The following PLEKHM3 variants were observed in gnomAD, a reference collection of about 807,000 sequenced individuals.
PLEKHM3 encodes pleckstrin homology domain containing M3, also known as pleckstrin homology domain-containing family M member 3.
PLEKHM3 carries 45 observed loss-of-function variants against 81.8 expected under a neutral mutation model. The observed-to-expected ratio is 0.55, with a 90% CI of 0.43 to 0.71. The LOEUF is 0.71. Ranked by LOEUF, PLEKHM3 falls within the 30% of genes least tolerant of loss-of-function variation. The pLI, the probability that PLEKHM3 is intolerant of heterozygous loss-of-function variation, is 0.00. For missense variants in PLEKHM3, 788 were observed against 924.3 expected, an observed-to-expected ratio of 0.85 and a Z score of 1.91; for synonymous variants, 352 against 356.4, an observed-to-expected ratio of 0.99 and a Z score of 0.14.
At chr2:207,979,904 A>G (rs1170165506) in intron 2 of PLEKHM3, among the ~76,000 whole-genome samples, 1 of 152,230 alleles carries the variant, frequency 6.6e-6, no homozygotes, top group Admixed American at 6.5e-5. Flanking sequence ...CTCAAAAGCC[A>G]TTAATTTCTT....
At chr2:207,838,468 GTTAA>G (rs1246254669) in intron 7 of PLEKHM3, among the ~76,000 whole-genome samples, 1 of 152,168 alleles carries the variant, frequency 6.6e-6, no homozygotes, top group East Asian at 1.9e-4. Flanking sequence ...GTAAATAAGG[GTTAA>G]TTAATTCATT....
At chr2:207,911,377 C>G (rs1380938864) in intron 5 of PLEKHM3, among the ~76,000 whole-genome samples, 1 of 152,156 alleles carries the variant, frequency 6.6e-6, no homozygotes, top group Non-Finnish European at 1.5e-5. Flanking sequence ...GTAAAATGTC[C>G]TTACCTTCAT....
chr2:208,013,390 C>A (rs1015590213), intron 1 of PLEKHM3, among the ~76,000 whole-genome samples: 4 of 152,114 alleles, frequency 2.6e-5, no homozygotes, highest in African/African-American at 9.7e-5. Flanking sequence ...GTGGCGCGTG[C>A]CTGTAGTCCC....
chr2:207,961,440 A>G (rs141787311), intron 3 of PLEKHM3, among the ~76,000 whole-genome samples: 87 of 152,338 alleles, frequency 5.7e-4, no homozygotes, highest in African/African-American at 2.0e-3. Context: ...TGATTTTTCA[A>G]TCTTTTGGAA....
chr2:207,950,662 C>T (rs1690299406), intron 3 of PLEKHM3, among the ~76,000 whole-genome samples: 1 of 152,124 alleles, frequency 6.6e-6, no homozygotes, highest in Non-Finnish European at 1.5e-5. Flanking sequence ...TCCAAGGTCC[C>T]TCGAGCTCTA....
At chr2:207,881,570 G>A (rs2092591385) in intron 6 of PLEKHM3, among the ~76,000 whole-genome samples, 1 of 152,182 alleles carries the variant, frequency 6.6e-6, no homozygotes, top group Non-Finnish European at 1.5e-5. Context: ...TTTCTATTCA[G>A]TAACTATGTG....
chr2:207,831,812 G>A (rs2092290365), intron 7 of PLEKHM3, among the ~76,000 whole-genome samples: 1 of 152,148 alleles, frequency 6.6e-6, no homozygotes, highest in South Asian at 2.1e-4. Context: ...CTCCTTCCTA[G>A]TGGCAATGGC....
rs1487675820 is a variant in PLEKHM3 at position 208,025,394 on chromosome 2, C to T, written c.-324G>A. ...AGAAGCAGACGGATGCTCACCTGGG[C>T]CCCGGCTGCTACTCTCCATTCACCT... On this transcript the variant is annotated 5_prime_UTR_variant, in exon 1 of 8. Transcript: ENST00000427836. The T allele has an allele frequency of 6.6e-6, 1 of 152,296 alleles. No homozygotes were observed. Among genetic ancestry groups the T allele is most frequent in the Non-Finnish European group, 1.5e-5 (1 of 68,122 alleles). The allele number at this position is 152,296 out of a possible 1,614,324, so 9.4% of individuals were successfully genotyped here. A position where few individuals can be genotyped will look rare whatever the true frequency, so the allele number is the denominator to read the frequency against.
chr2:207,832,884 G>C (rs2092296292), intron 7 of PLEKHM3, among the ~76,000 whole-genome samples: 1 of 151,656 alleles, frequency 6.6e-6, no homozygotes, highest in Non-Finnish European at 1.5e-5. Context: ...GGCTGAGGTG[G>C]GTGGATCACC....
intron 6 of PLEKHM3, among the ~76,000 whole-genome samples, chr2:207,871,111 T>A (rs1167256461): frequency 1.3e-5 from 2 of 152,132 alleles, no homozygotes; most frequent in African/African-American, 2.4e-5. Context: ...CGAGACCCCA[T>A]CTCAAAATAA....
intron 6 of PLEKHM3, among the ~76,000 whole-genome samples, chr2:207,895,216 G>A (rs1688183829): frequency 6.6e-6 from 1 of 152,090 alleles, no homozygotes; most frequent in Admixed American, 6.5e-5. Context: ...TTGGCTAAGT[G>A]CTGTAAAATG....
chr2:207,884,581 G>A (rs963477811), intron 6 of PLEKHM3, among the ~76,000 whole-genome samples: 2 of 152,236 alleles, frequency 1.3e-5, no homozygotes, highest in Middle Eastern at 6.8e-3. Flanking sequence ...TCAGAGTTAT[G>A]GAAAAGCTTA....
rs980002145 is a variant in PLEKHM3 at position 207,930,959 on chromosome 2, C to T, written c.1853G>A (p.Cys618Tyr). Residue 618 changes from cysteine (C) to tyrosine (Y), a missense_variant, in exon 5 of 8, where the codon TGC (cysteine) becomes TAC (tyrosine). Transcript: ENST00000427836. ...LKSLRAYLFS[C>Y]RAAVAEDLRR... ...GAGATCCTCTGCCACCGCTGCCCGG[C>T]AGCTGAACAAATAGGCTCGGAGCGA... 1.2e-6 allele frequency: 2 copies of T among 1,613,378 alleles called. No homozygotes were observed. Among genetic ancestry groups the T allele is most frequent in the Non-Finnish European group, 1.7e-6 (2 of 1,179,474 alleles).
chr2:208,000,598 G>A (rs887467588), intron 2 of PLEKHM3, among the ~76,000 whole-genome samples: 3 of 152,150 alleles, frequency 2.0e-5, no homozygotes, highest in African/African-American at 7.2e-5. Context: ...TTTAGGGCAG[G>A]GATTGTGTCT....
chr2:207,943,050 G>C (rs1012715103), intron 4 of PLEKHM3, among the ~76,000 whole-genome samples: 1 of 152,136 alleles, frequency 6.6e-6, no homozygotes, highest in African/African-American at 2.4e-5. Context: ...GGGGAAGAGG[G>C]GAATGAAGAA....
intron 6 of PLEKHM3, chr2:207,870,013 T>C (rs1420814664): frequency 1.3e-5 from 2 of 152,172 alleles, no homozygotes. Context: ...AGTTAAAAAA[T>C]AACCTAGTGC....
chr2:207,908,002 T>C (rs1196752975), intron 6 of PLEKHM3, among the ~76,000 whole-genome samples: 1 of 152,256 alleles, frequency 6.6e-6, no homozygotes, highest in Non-Finnish European at 1.5e-5. Flanking sequence ...TTATCCATAT[T>C]GTAGCATGCA....
At chr2:207,949,929 C>T (rs1690275295) in intron 3 of PLEKHM3, among the ~76,000 whole-genome samples, 2 of 152,160 alleles carry the variant, frequency 1.3e-5, no homozygotes, top group Admixed American at 6.5e-5. Flanking sequence ...TATTAACATA[C>T]ACAAACATGC....
At chr2:207,941,742 C>T (rs1574427167) in intron 4 of PLEKHM3, among the ~76,000 whole-genome samples, 1 of 152,236 alleles carries the variant, frequency 6.6e-6, no homozygotes. Flanking sequence ...GATTAATAAC[C>T]AGAATACATA....
Sources: gnomAD v4.1 joint callset for allele counts (sites outside exome capture counted in the v4.1 genomes callset) on GRCh38, gnomAD v4.1.1 for gene constraint, MANE v1.5 for transcripts, NCBI Gene and HGNC (gene_info 2026-07-23, HGNC 2026-07-21) for gene names.